MAGI1: variants seen among roughly 807,000 people sequenced by gnomAD.
The protein encoded by MAGI1 is membrane associated guanylate kinase, WW and PDZ domain containing 1.
A neutral mutation model predicts 139.9 loss-of-function variants in MAGI1; 58 were observed. The ratio of observed to expected loss-of-function variants is 0.41; its 90% confidence interval spans 0.34 to 0.52. The LOEUF (loss-of-function observed/expected upper bound fraction) is 0.52, where lower values mean the gene tolerates loss of function less well. Ranked by LOEUF, MAGI1 falls within the 20% of genes least tolerant of loss-of-function variation. The pLI is 0.12. For synonymous variants in MAGI1, 812 were observed against 737.9 expected, an observed-to-expected ratio of 1.10 and a Z score of -1.63; for missense variants, 1,874 against 1,901.6, an observed-to-expected ratio of 0.99 and a Z score of 0.27.
At chr3:65,908,136 C>G (rs767588485) in intron 1 of MAGI1, among the ~76,000 whole-genome samples, 1 of 152,128 alleles carries the variant, frequency 6.6e-6, no homozygotes, top group African/African-American at 2.4e-5. Flanking sequence ...TCCAAAATAA[C>G]AGAAGACATC....
intron 2 of MAGI1, among the ~76,000 whole-genome samples, chr3:65,573,357 A>C (rs1210707241): frequency 6.6e-6 from 1 of 152,122 alleles, no homozygotes; most frequent in Admixed American, 6.6e-5. Flanking sequence ...ATACATCATG[A>C]GCAAATAGGG....
At chr3:65,790,421 T>C (rs1419853291) in intron 1 of MAGI1, among the ~76,000 whole-genome samples, 1 of 152,232 alleles carries the variant, frequency 6.6e-6, no homozygotes, top group Non-Finnish European at 1.5e-5. Flanking sequence ...ATAAATCTTT[T>C]ATTAACCTAG....
rs143536341 is a variant in MAGI1, at chr3:65,852,413, C to T, written c.313+185583G>A. On this transcript the variant is annotated intron_variant, in intron 1 of 22. Coordinates refer to ENST00000402939, the MANE Select transcript of MAGI1 (RefSeq NM_001033057.2). The stretch of plus-strand genomic sequence containing the variant: ...TCAGATGGTGGAACAACATGTAAAA[C>T]TCTACCCAGTAGGTAAACACTAGAC... Among the ~76,000 whole-genome samples the T allele has an allele frequency of 4.5e-3, 690 of 152,240 alleles. 6 individuals are homozygous for T. Among genetic ancestry groups the T allele is most frequent in the African/African-American group, 0.016 (671 of 41,538 alleles).
intron 2 of MAGI1, among the ~76,000 whole-genome samples, chr3:65,493,926 A>G (rs565920158): frequency 2.6e-5 from 4 of 152,332 alleles, no homozygotes; most frequent in South Asian, 4.1e-4. Flanking sequence ...TGAATAAAAA[A>G]GGTGAACTGG....
chr3:65,712,474 C>G (rs1374652164), intron 1 of MAGI1, among the ~76,000 whole-genome samples: 3 of 148,244 alleles, frequency 2.0e-5, no homozygotes, highest in Non-Finnish European at 4.5e-5. Flanking sequence ...AAAAAAAAAG[C>G]CATGCGCGAT....
intron 1 of MAGI1, among the ~76,000 whole-genome samples, chr3:65,772,010 G>A (rs561584963): frequency 1.3e-5 from 2 of 152,130 alleles, no homozygotes; most frequent in African/African-American, 2.4e-5. Context: ...AGACAAGCCC[G>A]GCCAAGATGG....
At chr3:65,695,531 A>C (rs2089095524) in intron 1 of MAGI1, among the ~76,000 whole-genome samples, 1 of 152,172 alleles carries the variant, frequency 6.6e-6, no homozygotes, top group Non-Finnish European at 1.5e-5. Context: ...CTTATGTTCC[A>C]GGTCTCAGTC....
chr3:65,628,166 A>G (rs1046584422), intron 1 of MAGI1, among the ~76,000 whole-genome samples: 1 of 152,052 alleles, frequency 6.6e-6, no homozygotes, highest in Non-Finnish European at 1.5e-5. Context: ...TTCATCCCCA[A>G]AATGGTGGTA....
At chr3:65,719,615 A>G (rs144985056) in intron 1 of MAGI1, among the ~76,000 whole-genome samples, 2 of 151,222 alleles carry the variant, frequency 1.3e-5, no homozygotes, top group African/African-American at 4.9e-5. Context: ...GCATAATCAC[A>G]GCTCACTGCA....
intron 1 of MAGI1, among the ~76,000 whole-genome samples, chr3:65,773,666 C>T (rs1444724053): frequency 1.3e-5 from 2 of 152,184 alleles, no homozygotes; most frequent in Non-Finnish European, 2.9e-5. Context: ...TTCTAAGTTA[C>T]AGTCTCCTTG....
intron 2 of MAGI1, among the ~76,000 whole-genome samples, chr3:65,498,341 C>T (rs2076952200): frequency 6.6e-6 from 1 of 150,878 alleles, no homozygotes; most frequent in South Asian, 2.1e-4. Flanking sequence ...GCCTACAATA[C>T]TGCCTTCTCT....
chr3:65,447,482 C>T (rs1444650874), intron 7 of MAGI1, among the ~76,000 whole-genome samples: 1 of 152,210 alleles, frequency 6.6e-6, no homozygotes, highest in East Asian at 1.9e-4. Flanking sequence ...ATGGCAAGGT[C>T]AACAACACGT....
chr3:65,396,602 C>T (rs1319127958), intron 13 of MAGI1, among the ~76,000 whole-genome samples: 1 of 152,190 alleles, frequency 6.6e-6, no homozygotes, highest in Non-Finnish European at 1.5e-5. Context: ...TGAATACAGA[C>T]AGCACTTAGG....
At chr3:65,823,164 T>C (rs529187795) in intron 1 of MAGI1, among the ~76,000 whole-genome samples, 2 of 152,178 alleles carry the variant, frequency 1.3e-5, no homozygotes, top group Admixed American at 1.3e-4. Flanking sequence ...GAAATATATA[T>C]CATATAAAGT....
chr3:65,398,281 A>C (rs193097195), intron 13 of MAGI1, among the ~76,000 whole-genome samples: 1 of 152,154 alleles, frequency 6.6e-6, no homozygotes, highest in Admixed American at 6.6e-5. Context: ...TGGGAGGCCA[A>C]GATAGGAGGA....
chr3:65,414,440 T>C (rs77491146), intron 12 of MAGI1, among the ~76,000 whole-genome samples: 7,618 of 152,270 alleles, frequency 0.05, 263 homozygotes, highest in Non-Finnish European at 0.075. Flanking sequence ...TCTTCCTGAA[T>C]GAAGATCTAG....
chr3:65,753,549 C>T (rs1467004247), intron 1 of MAGI1, among the ~76,000 whole-genome samples: 1 of 151,938 alleles, frequency 6.6e-6, no homozygotes, highest in African/African-American at 2.4e-5. Context: ...CAGTGAAACC[C>T]CATCTCTACT....
chr3:65,510,529 C>T (rs1466165905), intron 2 of MAGI1, among the ~76,000 whole-genome samples: 8 of 148,338 alleles, frequency 5.4e-5, no homozygotes, highest in East Asian at 2.0e-4. Flanking sequence ...GGAGCCGATG[C>T]GATCAACTGG....
At chr3:65,558,735 C>T (rs1010698045) in intron 2 of MAGI1, among the ~76,000 whole-genome samples, 2 of 151,994 alleles carry the variant, frequency 1.3e-5, no homozygotes, top group African/African-American at 4.8e-5. Flanking sequence ...CCTGATCTAC[C>T]GAATCAGAAT....
Sources: allele counts gnomAD v4.1 joint callset (sites outside exome capture counted in the v4.1 genomes callset), GRCh38; gene constraint gnomAD v4.1.1; transcripts MANE v1.5; gene names NCBI Gene and HGNC (gene_info 2026-07-23, HGNC 2026-07-21).